The following FIGN variants were observed in gnomAD, a reference collection of about 807,000 sequenced individuals.
The protein encoded by FIGN is fidgetin, microtubule severing factor.
FIGN carries 11 observed loss-of-function variants against 51.3 expected under a neutral mutation model. The ratio of observed to expected loss-of-function variants is 0.21; its 90% confidence interval spans 0.13 to 0.35. The LOEUF (loss-of-function observed/expected upper bound fraction) is 0.35, where lower values mean the gene tolerates loss of function less well. Ranked by LOEUF, FIGN falls within the 10% of genes least tolerant of loss-of-function variation. FIGN has a pLI of 1.00. For missense variants in FIGN, 857 were observed against 943.6 expected (o/e 0.91, Z 1.20); for synonymous variants, 407 against 363.2 (o/e 1.12, Z -1.37).
intron 2 of FIGN, among the ~76,000 whole-genome samples, chr2:163,657,226 C>T (rs1284833936): frequency 6.6e-6 from 1 of 151,832 alleles, no homozygotes. Flanking sequence ...GAATCTAGTA[C>T]TAATTTGATG....
intron 2 of FIGN, among the ~76,000 whole-genome samples, chr2:163,693,620 C>T (rs896180523): frequency 3.9e-5 from 6 of 151,980 alleles, no homozygotes; most frequent in Non-Finnish European, 7.4e-5. Context: ...AGATAACATA[C>T]ACACACACAC....
intron 2 of FIGN, among the ~76,000 whole-genome samples, chr2:163,734,011 T>C (rs1684972788): frequency 6.6e-6 from 1 of 151,812 alleles, no homozygotes; most frequent in South Asian, 2.1e-4. Flanking sequence ...CTTTAACATC[T>C]TTTTGTTGTT....
Position 163,604,141 on chromosome 2 carries a change from A to T in FIGN, c.*5411T>A, listed in dbSNP as rs970635323. On this transcript the variant is annotated 3_prime_UTR_variant, in exon 3 of 3. Coordinates refer to ENST00000333129, the MANE Select transcript of FIGN (RefSeq NM_018086.4). ...GGAGTCACAGAATTAAAATGAAGGC[A>T]TTTTCAATCACTGAAGACTATAGTT... 1 of 152,092 alleles carries T rather than the reference A, an allele frequency of 6.6e-6. No homozygotes were observed. The highest frequency in any genetic ancestry group is 2.4e-5 in the African/African-American group (1 of 41,434). The allele number at this position is 152,092 out of a possible 1,614,324, so 9.4% of individuals were successfully genotyped here. A position where few individuals can be genotyped will look rare whatever the true frequency, so the allele number is the denominator to read the frequency against.
chr2:163,691,112 T>C (rs1304728466), intron 2 of FIGN, among the ~76,000 whole-genome samples: 1 of 152,158 alleles, frequency 6.6e-6, no homozygotes, highest in Admixed American at 6.6e-5. Flanking sequence ...CGTTGGCCAC[T>C]GACCACAGAA....
At chr2:163,730,937 A>G (rs1460665) in intron 2 of FIGN, among the ~76,000 whole-genome samples, 12,869 of 152,240 alleles carry the variant, frequency 0.085, 691 homozygotes, top group Admixed American at 0.11. Context: ...ACTCAAGAAT[A>G]TATTGATCAA....
chr2:163,724,055 C>A (rs1167475648), intron 2 of FIGN, among the ~76,000 whole-genome samples: 1 of 152,084 alleles, frequency 6.6e-6, no homozygotes, highest in East Asian at 1.9e-4. Context: ...ATGGAGTATA[C>A]AAAACTGCAA....
chr2:163,733,942 CAAAAAAAAAAA>C (rs36027114), intron 2 of FIGN, among the ~76,000 whole-genome samples: 9 of 100,156 alleles, frequency 9.0e-5, no homozygotes, highest in Non-Finnish European at 1.6e-4. Flanking sequence ...TAGCAACAAC[CAAAAAAAAAAA>C]AAAAAAAAAC....
rs1685007075 is a variant in FIGN, at chr2:163,735,867, T to A, written c.-175A>T. On this transcript the variant is annotated 5_prime_UTR_variant, in exon 1 of 3. The change abolishes the stop of an existing upstream ORF in the 5' untranslated region. Coordinates refer to ENST00000333129, the MANE Select transcript of FIGN (RefSeq NM_018086.4). ...ACGCGCGGAGAGAGAACCCGATAGG[T>A]TAGCGTAGCATCGATCCGATGTGTT... is the stretch of plus-strand genomic sequence containing the variant. 2.6e-5 allele frequency: 4 copies of A among 152,746 alleles called. No individual in the cohort carries two copies. In the South Asian group the frequency reaches 6.2e-4, roughly 24 times the overall value. The allele number at this position is 152,746 out of a possible 1,614,324, so 9.5% of individuals were successfully genotyped here.
At chr2:163,683,327 C>T (rs948816657) in intron 2 of FIGN, among the ~76,000 whole-genome samples, 3 of 152,094 alleles carry the variant, frequency 2.0e-5, no homozygotes, top group African/African-American at 7.2e-5. Context: ...GATGCTAAAA[C>T]AGTATAGGTT....
At chr2:163,691,396 G>A (rs1390564609) in intron 2 of FIGN, among the ~76,000 whole-genome samples, 1 of 152,100 alleles carries the variant, frequency 6.6e-6, no homozygotes, top group Non-Finnish European at 1.5e-5. Context: ...GCTTCATGGT[G>A]ACAAACGAGG....
chr2:163,690,069 A>G (rs906770823), intron 2 of FIGN, among the ~76,000 whole-genome samples: 1 of 152,202 alleles, frequency 6.6e-6, no homozygotes, highest in Non-Finnish European at 1.5e-5. Context: ...AATTGTTAAG[A>G]TACATACAAC....
chr2:163,712,385 C>G (rs914814949), intron 2 of FIGN, among the ~76,000 whole-genome samples: 1 of 152,106 alleles, frequency 6.6e-6, no homozygotes, highest in African/African-American at 2.4e-5. Flanking sequence ...AAAAAAAGGA[C>G]ACACTGTAGA....
At chr2:163,733,117 C>A (rs1684958057) in intron 2 of FIGN, among the ~76,000 whole-genome samples, 1 of 152,024 alleles carries the variant, frequency 6.6e-6, no homozygotes, top group Admixed American at 6.6e-5. Context: ...AAACTTTCAC[C>A]CCTAGAATTC....
At chr2:163,636,493 C>A (rs1179983592) in intron 2 of FIGN, among the ~76,000 whole-genome samples, 1 of 152,164 alleles carries the variant, frequency 6.6e-6, no homozygotes, top group African/African-American at 2.4e-5. Context: ...CCATGTTGGT[C>A]AGGCTGGTCT....
rs993209261 is a variant in FIGN at position 163,607,652 on chromosome 2, A to G, written c.*1900T>C. The G allele has an allele frequency of 2.6e-5, 4 of 152,644 alleles. No individual in the cohort carries two copies. The highest frequency in any genetic ancestry group is 7.2e-5 in the African/African-American group (3 of 41,462). 9.5% of individuals were successfully genotyped at this position (152,644 alleles called of 1,614,324 possible). A position where few individuals can be genotyped will look rare whatever the true frequency, so the allele number is the denominator to read the frequency against. Reference sequence around the variant, plus strand: ...TGCATTTATTTAAATTTTTTTAAAAATGTACATCACTTATTTATTGAATAC... The same window carrying G: ...TGCATTTATTTAAATTTTTTTAAAAGTGTACATCACTTATTTATTGAATAC... On this transcript the variant is annotated 3_prime_UTR_variant, in exon 3 of 3. Coordinates refer to ENST00000333129, the MANE Select transcript of FIGN (RefSeq NM_018086.4).
intron 2 of FIGN, among the ~76,000 whole-genome samples, chr2:163,689,936 G>C: frequency 6.6e-6 from 1 of 152,036 alleles, no homozygotes; most frequent in African/African-American, 2.4e-5. Flanking sequence ...ACTTGTACTT[G>C]GTACCATAAA....
Position 163,610,430 on chromosome 2 carries a change from G to C in FIGN, c.1402C>G (p.Leu468Val), listed in dbSNP as rs372466697. The C allele has an allele frequency of 6.8e-6, 11 of 1,614,014 alleles. No homozygotes were observed. The African/African-American group carries it at 1.3e-4, about 20-fold the overall frequency. ...ATCTCATTGGTTACCAGGTCGATGA[G>C]GTGCGTGTCAGTATTCTTCAGTTGC... The part of the protein sequence containing the change: ...DEQLKNTDTH[L>V]IDLVTNEIIT... Residue 468 changes from leucine (L) to valine (V), a missense_variant, in exon 3 of 3, where the codon CTC becomes GTC. Physicochemically the swap from Leu to Val is conservative, Grantham distance 32. Coordinates refer to ENST00000333129, the MANE Select transcript of FIGN (RefSeq NM_018086.4).
intron 2 of FIGN, among the ~76,000 whole-genome samples, chr2:163,701,662 G>A (rs950110148): frequency 8.5e-5 from 13 of 152,212 alleles, no homozygotes; most frequent in South Asian, 4.1e-4. Flanking sequence ...GCATCCAGAC[G>A]AAGAATATCT....
At chr2:163,666,359 A>G (rs1434487466) in intron 2 of FIGN, among the ~76,000 whole-genome samples, 4 of 152,216 alleles carry the variant, frequency 2.6e-5, no homozygotes, top group African/African-American at 9.7e-5. Flanking sequence ...GGGCAAATCA[A>G]CAAAGCAGAA....
Sources: gnomAD v4.1 joint callset for allele counts (sites outside exome capture counted in the v4.1 genomes callset) on GRCh38, gnomAD v4.1.1 for gene constraint, MANE v1.5 for transcripts, NCBI Gene and HGNC (gene_info 2026-07-23, HGNC 2026-07-21) for gene names.